The following TESK2 variants were observed in gnomAD, a reference collection of about 807,000 sequenced individuals.
The protein encoded by TESK2 is dual specificity testis-specific protein kinase 2.
TESK2 carries 39 observed loss-of-function variants against 57.1 expected under a neutral mutation model. The ratio of observed to expected loss-of-function variants is 0.68; its 90% CI spans 0.53 to 0.89. The LOEUF is 0.89. TESK2 is among the 40% of genes least tolerant of loss of function. The pLI is 0.00. For synonymous variants in TESK2, 249 were observed against 267.9 expected, an observed-to-expected ratio of 0.93 and a Z score of 0.69; for missense variants, 646 against 732.1, an observed-to-expected ratio of 0.88 and a Z score of 1.36.
intron 5 of TESK2, among the ~76,000 whole-genome samples, chr1:45,352,268 G>A (rs150241491): frequency 2.1e-4 from 32 of 152,210 alleles, no homozygotes; most frequent in African/African-American, 6.5e-4. Context: ...CTTAAAGTCC[G>A]GACCCAAGAA....
chr1:45,452,094 T>A (rs1651897373), intron 2 of TESK2, among the ~76,000 whole-genome samples: 1 of 151,740 alleles, frequency 6.6e-6, no homozygotes, highest in East Asian at 1.9e-4. Context: ...CTAATCTGGT[T>A]TTTTTTTGGA....
At chr1:45,434,959 C>CTTTTTTTTTTTT (rs60515365) in intron 2 of TESK2, among the ~76,000 whole-genome samples, 1 of 140,454 alleles carries the variant, frequency 7.1e-6, no homozygotes, top group Non-Finnish European at 1.5e-5. Context: ...ACTTTTCTTT[C>CTTTTTTTTTTTT]TTTTTTTTTT....
intron 3 of TESK2, among the ~76,000 whole-genome samples, chr1:45,392,722 T>C (rs1401798760): frequency 2.6e-5 from 4 of 151,952 alleles, no homozygotes; most frequent in Admixed American, 1.3e-4. Flanking sequence ...AAAAAATTTA[T>C]TTTTTAGAGA....
At chr1:45,351,439 G>A (rs1197915401) in intron 5 of TESK2, among the ~76,000 whole-genome samples, 1 of 152,252 alleles carries the variant, frequency 6.6e-6, no homozygotes, top group Non-Finnish European at 1.5e-5. Flanking sequence ...CATTATTGCA[G>A]TAGCTGCGGA....
intron 1 of TESK2, among the ~76,000 whole-genome samples, chr1:45,475,491 G>GC (rs1219097489): frequency 2.6e-5 from 4 of 152,048 alleles, no homozygotes; most frequent in Non-Finnish European, 5.9e-5. Context: ...ACAGGCGTGA[G>GC]CCCCCACCAC....
At chr1:45,375,161 G>A (rs933057272) in intron 4 of TESK2, among the ~76,000 whole-genome samples, 11 of 152,098 alleles carry the variant, frequency 7.2e-5, no homozygotes, top group African/African-American at 2.7e-4. Flanking sequence ...TAAAGAATAA[G>A]TCACAAAAAC....
At chr1:45,373,482 CAGA>C (rs1648286294) in intron 4 of TESK2, among the ~76,000 whole-genome samples, 1 of 152,176 alleles carries the variant, frequency 6.6e-6, no homozygotes, top group Admixed American at 6.5e-5. Context: ...CCTAGTATTA[CAGA>C]AGATTTTAGA....
At chr1:45,476,600 G>C (rs763068378) in intron 1 of TESK2, among the ~76,000 whole-genome samples, 11 of 150,060 alleles carry the variant, frequency 7.3e-5, no homozygotes, top group East Asian at 2.0e-4. Context: ...GTAATCCCAG[G>C]ACTTTGGGAG....
intron 5 of TESK2, among the ~76,000 whole-genome samples, chr1:45,352,036 T>C (rs531968151): frequency 3.2e-4 from 48 of 152,190 alleles, no homozygotes; most frequent in South Asian, 6.2e-4. Context: ...TATGAAGAGA[T>C]AATTTGGAAA....
chr1:45,425,548 G>A (rs1009327084), intron 2 of TESK2, among the ~76,000 whole-genome samples: 1 of 151,980 alleles, frequency 6.6e-6, no homozygotes, highest in Non-Finnish European at 1.5e-5. Flanking sequence ...CCAGCTAGTC[G>A]GGAAGCTGAG....
At chr1:45,475,085 A>AAAG (rs1294658939) in intron 1 of TESK2, among the ~76,000 whole-genome samples, 2 of 146,186 alleles carry the variant, frequency 1.4e-5, no homozygotes, top group African/African-American at 2.5e-5. Context: ...AAAAAAAAGA[A>AAAG]AAGAAAAGAA....
At chr1:45,352,731 TTG>T (rs72112739) in intron 5 of TESK2, among the ~76,000 whole-genome samples, 2 of 150,930 alleles carry the variant, frequency 1.3e-5, no homozygotes, top group Non-Finnish European at 3.0e-5. Flanking sequence ...TAGGAGACAC[TTG>T]TGTGTGTGTG....
intron 2 of TESK2, among the ~76,000 whole-genome samples, chr1:45,446,150 T>C (rs935656770): frequency 7.6e-5 from 11 of 144,130 alleles, no homozygotes; most frequent in East Asian, 4.0e-4. Context: ...TTTCAAAGCA[T>C]AGAAGAAAAA....
chr1:45,454,972 T>C (rs1459684165), intron 2 of TESK2, among the ~76,000 whole-genome samples: 1 of 152,124 alleles, frequency 6.6e-6, no homozygotes, highest in East Asian at 1.9e-4. Context: ...AAGTAGAAGA[T>C]ATTAGTGGGT....
intron 4 of TESK2, among the ~76,000 whole-genome samples, chr1:45,357,905 G>A: frequency 6.6e-6 from 1 of 150,966 alleles, no homozygotes; most frequent in Non-Finnish European, 1.5e-5. Context: ...TCGAGAGGAT[G>A]AGGCAGGAGA....
intron 2 of TESK2, among the ~76,000 whole-genome samples, chr1:45,449,379 A>C (rs1225882754): frequency 6.6e-6 from 1 of 152,136 alleles, no homozygotes; most frequent in Admixed American, 6.6e-5. Context: ...TTATGTCCAC[A>C]AAAAAACCCC....
At chr1:45,437,928 T>C (rs1247490573) in intron 2 of TESK2, among the ~76,000 whole-genome samples, 1 of 152,178 alleles carries the variant, frequency 6.6e-6, no homozygotes, top group Admixed American at 6.6e-5. Flanking sequence ...TTGGGGATGG[T>C]TCTGAATACT....
Position 45,444,510 on chromosome 1 carries a change from G to A in TESK2, c.222+13054C>T, listed in dbSNP as rs1448031197. On this transcript the variant is annotated intron_variant, in intron 2 of 10. Coordinates refer to ENST00000372086, the MANE Select transcript of TESK2 (RefSeq NM_007170.3). ...CAAATGAGGAATAACAGCCAACTAT[G>A]AGATTCAGGTTTAGGATTCAGATTT... 2.0e-5 allele frequency among the ~76,000 whole-genome samples: 3 copies of A among 152,280 alleles called. No homozygotes were observed. The East Asian group carries it at 5.8e-4, about 29-fold the overall frequency.
chr1:45,477,132 G>A (rs1175780465), intron 1 of TESK2, among the ~76,000 whole-genome samples: 1 of 150,584 alleles, frequency 6.6e-6, no homozygotes, highest in Non-Finnish European at 1.5e-5. Flanking sequence ...AGGAGCCTAA[G>A]TGAGGCAGGA....
Sources: gnomAD v4.1 joint callset for allele counts (sites outside exome capture counted in the v4.1 genomes callset) on GRCh38, gnomAD v4.1.1 for gene constraint, MANE v1.5 for transcripts, NCBI Gene and HGNC (gene_info 2026-07-23, HGNC 2026-07-21) for gene names.